The following KIAA1210 variants were observed in gnomAD, a reference collection of about 807,000 sequenced individuals.
KIAA1210 encodes the protein KIAA1210.
In KIAA1210, 48 loss-of-function variants were observed where a neutral mutation model predicts 78.9. That is an observed-to-expected ratio of 0.61 (90% confidence interval 0.48 to 0.77). The LOEUF (loss-of-function observed/expected upper bound fraction) is 0.77, where lower values mean the gene tolerates loss of function less well. Among genes scored for constraint, KIAA1210 ranks in the 30% least tolerant of loss-of-function variants. KIAA1210 has a pLI of 0.00. For synonymous variants in KIAA1210, 406 were observed against 404.5 expected, an observed-to-expected ratio of 1.00 and a Z score of -0.04; for missense variants, 1,108 against 1,100.0, an observed-to-expected ratio of 1.01 and a Z score of -0.10.
At chrX:119,126,144 T>C (rs1482002694) in intron 1 of KIAA1210, among the ~76,000 whole-genome samples, 1 of 105,241 alleles carries the variant, frequency 9.5e-6, no homozygotes, top group Admixed American at 1.0e-4. Flanking sequence ...TGCTGTTTCA[T>C]GGGTGGGCTT....
At chrX:119,134,594 T>C (rs1007642245) in intron 2 of KIAA1210, among the ~76,000 whole-genome samples, 5 of 112,144 alleles carry the variant, frequency 4.5e-5, no homozygotes, top group South Asian at 3.7e-4. Flanking sequence ...AAATAGGCTC[T>C]AGGGGATGCC....
intron 10 of KIAA1210, 53 bp downstream of exon 10, chrX:119,085,330 C>T (rs1927094278): frequency 9.0e-7 from 1 of 1,112,514 alleles, no homozygotes; most frequent in Non-Finnish European, 1.2e-6. Context: ...GAAACCTAAT[C>T]AGTGATTCCA....
At chrX:119,108,032 G>T (rs1927943672) in intron 5 of KIAA1210, among the ~76,000 whole-genome samples, 1 of 111,904 alleles carries the variant, frequency 8.9e-6, no homozygotes, top group South Asian at 3.7e-4. Flanking sequence ...GCATCTTGGG[G>T]TAATGGAAAG....
intron 8 of KIAA1210, among the ~76,000 whole-genome samples, chrX:119,091,132 A>G (rs903638002): frequency 3.6e-5 from 4 of 112,605 alleles, no homozygotes; most frequent in Non-Finnish European, 7.5e-5. Context: ...AAAAATGCTC[A>G]ATGTCACTAA....
chrX:119,085,595 C>T, intron 9 of KIAA1210, 49 bp from the exon 10 acceptor site: 3 of 1,118,281 alleles, frequency 2.7e-6, no homozygotes, highest in Non-Finnish European at 3.6e-6. Flanking sequence ...CAGGCAGGGT[C>T]TTGAGCCTGG....
chrX:119,107,894 TCTGA>T (rs1360351669), intron 5 of KIAA1210, among the ~76,000 whole-genome samples: 4 of 111,794 alleles, frequency 3.6e-5, no homozygotes, highest in East Asian at 5.6e-4. Flanking sequence ...AGAGCTATAC[TCTGA>T]CTGAGCAATG....
upstream of KIAA1210, among the ~76,000 whole-genome samples, chrX:119,128,902 C>T (rs946089615): frequency 1.8e-5 from 2 of 111,567 alleles, no homozygotes; most frequent in Non-Finnish European, 3.8e-5. Context: ...CTCAAACTCC[C>T]GACCTCAGGT....
Position 119,085,394 on chromosome X carries a change from G to T in KIAA1210, c.4309C>A (p.Pro1437Thr). Reference sequence around the variant, plus strand: ...ACCCCAGGTCCTACCTCATATTTAGGCTCCTTAGTCTCAGCATCGGCTCCA... The same window carrying T: ...ACCCCAGGTCCTACCTCATATTTAGTCTCCTTAGTCTCAGCATCGGCTCCA... ...NAGADAETKE[P>T]KYEGAGSANE... The change falls in exon 10 of 12, where the codon CCT becomes ACT. Residue 1437 changes from proline (P) to threonine (T), a missense_variant. Pro to Thr is a conservative substitution (Grantham distance 38, BLOSUM62 -1). Transcript: ENST00000691062. 1 of 1,208,793 alleles carries T rather than the reference G, an allele frequency of 8.3e-7. No individual in the cohort carries two copies. Among genetic ancestry groups the T allele is most frequent in the Non-Finnish European group, 1.1e-6 (1 of 894,290 alleles).
intron 1 of KIAA1210, among the ~76,000 whole-genome samples, chrX:119,126,216 CCGGGGGG>C (rs1928642277): frequency 1.0e-5 from 1 of 97,596 alleles, no homozygotes; most frequent in African/African-American, 3.8e-5. Flanking sequence ...AGGTGGGGGG[CCGGGGGG>C]CGGGGCTGGT....
upstream of KIAA1210, among the ~76,000 whole-genome samples, chrX:119,128,108 G>A (rs184353806): frequency 4.4e-3 from 491 of 111,145 alleles, 2 homozygotes; most frequent in African/African-American, 0.013. Flanking sequence ...TGCAAGCCAC[G>A]TATTTTCAAT....
rs781511536 is a variant in KIAA1210 at position 119,089,165 on chromosome X, C to A, written c.1537G>T (p.Ala513Ser). Residue 513 changes from alanine to serine, a missense_variant, in exon 9 of 12, where the codon GCA becomes TCA. Coordinates refer to ENST00000691062, the MANE Select transcript of KIAA1210 (RefSeq NM_001394962.1). ...TQEEAILSVAAEAQVFMNPSH... is the reference protein window; with the variant it reads ...TQEEAILSVASEAQVFMNPSH... ...GGATTCATAAACACCTGAGCCTCTG[C>A]TGCTACTGAGAGAATGGCCTCCTCT... is the stretch of plus-strand genomic sequence containing the variant. 1 of 1,210,723 alleles carries A rather than the reference C, an allele frequency of 8.3e-7. No individual in the cohort carries two copies. The highest frequency in any genetic ancestry group is 1.8e-5 in the South Asian group (1 of 56,780).
intron 7 of KIAA1210, among the ~76,000 whole-genome samples, chrX:119,095,915 T>C (rs1257557817): frequency 1.8e-5 from 2 of 112,004 alleles, no homozygotes; most frequent in Non-Finnish European, 3.8e-5. Context: ...TCATTCTGTC[T>C]GCTACCAGCT....
chrX:119,121,027 C>T (rs6645540), intron 2 of KIAA1210, among the ~76,000 whole-genome samples: 1,902 of 111,103 alleles, frequency 0.017, 45 homozygotes, highest in African/African-American at 0.059. Flanking sequence ...TATCCAACAC[C>T]CCCCACCCCC....
intron 3 of KIAA1210, among the ~76,000 whole-genome samples, chrX:119,110,267 A>C (rs982184410): frequency 8.9e-6 from 1 of 112,297 alleles, no homozygotes; most frequent in Non-Finnish European, 1.9e-5. Context: ...AAACTATATG[A>C]CCATTTCAAT....
At chrX:119,104,882 C>T (rs1307208438) in intron 6 of KIAA1210, 110 bp downstream of exon 6, 6 of 708,442 alleles carry the variant, frequency 8.5e-6, no homozygotes, top group Non-Finnish European at 1.0e-5. Flanking sequence ...TCAGGTCCTT[C>T]CCCAATCATC....
intron 1 of KIAA1210, among the ~76,000 whole-genome samples, chrX:119,148,978 C>A (rs1929228792): frequency 9.6e-6 from 1 of 103,827 alleles, no homozygotes; most frequent in Admixed American, 1.1e-4. Flanking sequence ...TGCAACCCTG[C>A]TGATTTGGCC....
In KIAA1210 at chrX:119,141,791, T is replaced by A. The variant is rs763644944; in HGVS notation, c.410+5682A>T. Among the ~76,000 whole-genome samples the A allele has an allele frequency of 2.9e-4, 32 of 112,097 alleles. No individual in the cohort carries two copies. The South Asian group carries it at 5.2e-3, about 18-fold the overall frequency. ...GCCTAAGGTAAGTCATATAATCCCTTCATGCCTCAGTTTCCTGATTTATAA... is the reference window on the plus strand; with the variant it reads ...GCCTAAGGTAAGTCATATAATCCCTACATGCCTCAGTTTCCTGATTTATAA... On this transcript the variant is annotated intron_variant, in intron 2 of 13. Transcript: ENST00000402510.
chrX:119,126,964 C>T (rs1224916991), intron 1 of KIAA1210, among the ~76,000 whole-genome samples: 4 of 111,091 alleles, frequency 3.6e-5, no homozygotes, highest in Non-Finnish European at 7.5e-5. Context: ...GTCCCAGCTA[C>T]TCAGGAAGCT....
Position 119,099,725 on chromosome X carries a change from C to A in KIAA1210, c.649-3034G>T, listed in dbSNP as rs186448683. Among the ~76,000 whole-genome samples the A allele has an allele frequency of 3.7e-3, 417 of 111,920 alleles. 1 individual carries two copies. The highest frequency in any genetic ancestry group is 0.013 in the African/African-American group (392 of 30,787). ...TGGAATCCCCCAGCACCAAAATCAC[C>A]TGGAATGAGTGTTGAAAAAGCACAT... On this transcript the variant is annotated intron_variant, in intron 6 of 11. Coordinates refer to ENST00000691062, the MANE Select transcript of KIAA1210 (RefSeq NM_001394962.1).
Sources: allele counts gnomAD v4.1 joint callset (sites outside exome capture counted in the v4.1 genomes callset), GRCh38; gene constraint gnomAD v4.1.1; transcripts MANE v1.5; gene names NCBI Gene and HGNC (gene_info 2026-07-23, HGNC 2026-07-21).